GLI2: variants seen among roughly 807,000 people sequenced by gnomAD.
The protein encoded by GLI2 is GLI family zinc finger 2, also known as transcription activator GLI2.
Under a neutral mutation model 78.9 loss-of-function variants are expected in GLI2, and 22 were observed. That is an observed-to-expected ratio of 0.28 (90% CI 0.20 to 0.40). GLI2 has a LOEUF of 0.40. GLI2 is among the 10% of genes least tolerant of loss of function. The pLI is 1.00. For synonymous variants in GLI2, 974 were observed against 963.7 expected (o/e 1.01, Z -0.20); for missense variants, 2,097 against 2,213.2 (o/e 0.95, Z 1.05).
At chr2:120,847,621 A>G (rs1339849123) in intron 2 of GLI2, among the ~76,000 whole-genome samples, 3 of 142,970 alleles carry the variant, frequency 2.1e-5, no homozygotes, top group South Asian at 4.9e-4. Context: ...GGGTTGGTGA[A>G]CTTGGATTGG....
In GLI2 at chr2:120,968,783, T is replaced by C. The variant is rs1558923316; in HGVS notation, c.713T>C (p.Leu238Pro). The C allele has an allele frequency of 3.7e-6, 6 of 1,613,450 alleles. No individual in the cohort carries two copies. The highest frequency in any genetic ancestry group is 1.1e-5 in the South Asian group (1 of 91,058). ...AAGCGGGCGCTGTCCATCTCCCCAC[T>C]CTCAGACGCCAGCCTGGACCTGCAG... ...SRKRALSISP[L>P]SDASLDLQRM... Residue 238 changes from leucine (L) to proline (P), a missense_variant, in exon 6 of 14, where the codon CTC becomes CCC. Around this residue, in one of 5 missense-constraint regions of GLI2, gnomAD observed 578 missense variants for 612.0 expected, o/e 0.94. Transcript: ENST00000361492.
At chr2:120,908,931 A>G (rs2104806423) in intron 2 of GLI2, among the ~76,000 whole-genome samples, 1 of 152,230 alleles carries the variant, frequency 6.6e-6, no homozygotes, top group East Asian at 1.9e-4. Flanking sequence ...GCTTCACGTT[A>G]GTGCCTAGAT....
chr2:120,942,676 T>A (rs1049894401), intron 3 of GLI2, among the ~76,000 whole-genome samples: 3 of 152,206 alleles, frequency 2.0e-5, no homozygotes, highest in African/African-American at 7.2e-5. Flanking sequence ...AAGATCACTG[T>A]CGTAACTGTT....
chr2:120,951,559 C>G, intron 4 of GLI2, 114 bp downstream of exon 4: 1 of 678,622 alleles, frequency 1.5e-6, no homozygotes, highest in Non-Finnish European at 2.5e-6. Flanking sequence ...TGAATGGTGA[C>G]CAGGCTGGCT....
intron 2 of GLI2, among the ~76,000 whole-genome samples, chr2:120,897,132 C>T (rs1573559238): frequency 6.6e-6 from 1 of 152,366 alleles, no homozygotes; most frequent in Middle Eastern, 3.4e-3. Flanking sequence ...CACTGACACG[C>T]TCCAGCCGCC....
At chr2:120,741,944 G>A (rs773635095) in intron 1 of GLI2, among the ~76,000 whole-genome samples, 94 of 152,302 alleles carry the variant, frequency 6.2e-4, no homozygotes, top group Admixed American at 1.5e-3. Flanking sequence ...GCGCGCGAGC[G>A]GCTCCCACCC....
intron 2 of GLI2, among the ~76,000 whole-genome samples, chr2:120,854,765 C>T (rs899126517): frequency 2.6e-5 from 4 of 152,218 alleles, no homozygotes; most frequent in African/African-American, 7.2e-5. Flanking sequence ...TCAGAATCAC[C>T]CAAGAGACTT....
At chr2:120,862,616 G>A (rs1193123049) in intron 2 of GLI2, among the ~76,000 whole-genome samples, 2 of 152,218 alleles carry the variant, frequency 1.3e-5, no homozygotes, top group Non-Finnish European at 2.9e-5. Flanking sequence ...GTGGGCCGGT[G>A]AGGGTGCTGA....
At chr2:120,918,876 T>C (rs566528083) in intron 2 of GLI2, among the ~76,000 whole-genome samples, 1 of 152,318 alleles carries the variant, frequency 6.6e-6, no homozygotes, top group South Asian at 2.1e-4. Context: ...TCTGGATTCA[T>C]GGCTCAGGTG....
At position 120,951,433 on chromosome 2, in the gene GLI2, A is replaced by G. The variant is rs968089585; in HGVS notation, c.445A>G (p.Ser149Gly). Residue 149 changes from serine to glycine, a missense_variant, in exon 4 of 14, where the codon AGC (serine) becomes GGC (glycine). Transcript: ENST00000361492. Reference sequence around the variant, plus strand: ...CATGATCTCTGCAGCCAGGGGCCTCAGCCCCGCTGATGGTGAGTAGGGTGT... The same window carrying G: ...CATGATCTCTGCAGCCAGGGGCCTCGGCCCCGCTGATGGTGAGTAGGGTGT... ...LSMISAARGL[S>G]PADVAQEHLK... 3.1e-6 allele frequency: 5 copies of G among 1,609,446 alleles called. No individual in the cohort carries two copies. Among genetic ancestry groups the G allele is most frequent in the Middle Eastern group, 3.3e-4 (2 of 6,066 alleles).
At chr2:120,975,135 G>T in intron 9 of GLI2, 26 bp downstream of exon 9, 1 of 1,611,288 alleles carries the variant, frequency 6.2e-7, no homozygotes. Flanking sequence ...CCAGCAGCCC[G>T]CCAACCGGGG....
At chr2:120,935,367 G>A (rs144442521) in intron 3 of GLI2, among the ~76,000 whole-genome samples, 43 of 152,338 alleles carry the variant, frequency 2.8e-4, no homozygotes, top group African/African-American at 9.9e-4. Flanking sequence ...GGGTCCAGGC[G>A]ATGTGTCGGG....
chr2:120,910,105 G>T (rs140941250), intron 2 of GLI2, among the ~76,000 whole-genome samples: 1 of 152,158 alleles, frequency 6.6e-6, no homozygotes, highest in South Asian at 2.1e-4. Flanking sequence ...CTGTGCTGTG[G>T]TTTCCTCCTT....
rs1680970811 is a variant in GLI2, at chr2:120,951,239, G to A, written c.255-4G>A. On this transcript the variant is annotated splice_region_variant and splice_polypyrimidine_tract_variant and intron_variant, in intron 3 of 13. Coordinates refer to ENST00000361492, the MANE Select transcript of GLI2 (RefSeq NM_001374353.1). ...TCTTAGACGGCTGCCCATTGTCTCT[G>A]CAGGCCCCCTGCCCTCAGCGGCAGC... is the stretch of plus-strand genomic sequence containing the variant. The A allele has an allele frequency of 6.3e-7, 1 of 1,581,690 alleles. No homozygotes were observed. Among genetic ancestry groups the A allele is most frequent in the African/African-American group, 1.3e-5 (1 of 74,416 alleles).
rs1681200047 is a variant in GLI2, at chr2:120,955,318, C to T, written c.531C>T (p.Tyr177=). 6.2e-7 allele frequency: 1 copy of T among 1,612,984 alleles called. No homozygotes were observed. The highest frequency in any genetic ancestry group is 8.5e-7 in the Non-Finnish European group (1 of 1,179,072). The change falls in exon 5 of 14, where the codon TAC becomes TAT. Residue 177 remains tyrosine, a synonymous_variant. Transcript: ENST00000361492. ...CAGGCACCACCCCCTCAGACTATTACCACCAGATGACCCTCGTGGCAGGCC... is the reference window on the plus strand; with the variant it reads ...CAGGCACCACCCCCTCAGACTATTATCACCAGATGACCCTCGTGGCAGGCC... The part of the protein sequence containing the change: ...PAPGTTPSDY[Y]HQMTLVAGHP...
At position 120,982,763 on chromosome 2, in the gene GLI2, A is replaced by G; in HGVS notation, c.1515A>G (p.Thr505=). Residue 505 remains threonine, a synonymous_variant, in exon 11 of 14, where the codon ACA becomes ACG. Transcript: ENST00000361492. ...KAYSRLENLK[T]HLRSHTGEKP... ...ACTCCCGCCTGGAGAACCTGAAGAC[A>G]CACCTGCGGTCCCACACCGGGGAGA... 1.2e-6 allele frequency: 2 copies of G among 1,614,044 alleles called. No homozygotes were observed. The highest frequency in any genetic ancestry group is 1.7e-6 in the Non-Finnish European group (2 of 1,179,928).
At chr2:120,974,886 G>A in intron 8 of GLI2, 89 bp from the exon 9 acceptor site, 1 of 1,604,916 alleles carries the variant, frequency 6.2e-7, no homozygotes. Flanking sequence ...AGGGTCCTTG[G>A]CACAGAATGC....
intron 2 of GLI2, among the ~76,000 whole-genome samples, chr2:120,916,403 C>G (rs1679099592): frequency 6.6e-6 from 1 of 152,244 alleles, no homozygotes; most frequent in Admixed American, 6.5e-5. Flanking sequence ...CCTGAAGAGC[C>G]TGCCATCCTC....
intron 2 of GLI2, among the ~76,000 whole-genome samples, chr2:120,892,006 C>T (rs959525314): frequency 6.6e-6 from 1 of 151,936 alleles, no homozygotes; most frequent in Non-Finnish European, 1.5e-5. Flanking sequence ...ACCTTGTGAC[C>T]TCCTGCTTGG....
Sources: gnomAD v4.1 joint callset for allele counts (sites outside exome capture counted in the v4.1 genomes callset) on GRCh38, gnomAD v4.1.1 for gene constraint, gnomAD v4.1.1 regional missense constraint, MANE v1.5 for transcripts, NCBI Gene and HGNC (gene_info 2026-07-23, HGNC 2026-07-21) for gene names.